The following CSMD1 variants were observed in gnomAD, a reference collection of about 807,000 sequenced individuals.
CSMD1 encodes the protein CUB and sushi domain-containing protein 1.
CSMD1 carries 213 observed loss-of-function variants against 417.5 expected under a neutral mutation model. The observed-to-expected ratio is 0.51, with a 90% CI of 0.46 to 0.57. The LOEUF (loss-of-function observed/expected upper bound fraction) is 0.57. CSMD1 is among the 20% of genes least tolerant of loss of function. The probability of loss-of-function intolerance (pLI) is 0.00; values close to 1 mark genes in which losing one functional copy is unlikely to be tolerated. For synonymous variants in CSMD1, 2,862 were observed against 1,736.8 expected, an observed-to-expected ratio of 1.65 and a Z score of -16.11; for missense variants, 6,923 against 4,529.7, an observed-to-expected ratio of 1.53 and a Z score of -15.17.
chr8:3,722,636 G>T (rs1240088524), intron 6 of CSMD1, among the ~76,000 whole-genome samples: 1 of 152,114 alleles, frequency 6.6e-6, no homozygotes, highest in Non-Finnish European at 1.5e-5. Context: ...AAAACTGTTT[G>T]GTCCAGGCAT....
chr8:3,157,941 G>T lies in CSMD1; in HGVS notation c.5870C>A (p.Pro1957Gln), dbSNP rs1819637674. 6.4e-7 allele frequency: 1 copy of T among 1,554,364 alleles called. No individual in the cohort carries two copies. Among genetic ancestry groups the T allele is most frequent in the South Asian group, 1.2e-5 (1 of 84,088 alleles). ...LQGRSHISCM[P>Q]GTVRRWNYPS... Reference sequence around the variant, plus strand: ...ATAGTTCCAACGGCGAACGGTCCCTGGCATACAGGAAATGTGGGAACGGCC... The same window carrying T: ...ATAGTTCCAACGGCGAACGGTCCCTTGCATACAGGAAATGTGGGAACGGCC... Residue 1957 changes from proline (P) to glutamine (Q), a missense_variant, in exon 39 of 70, where the codon CCA (proline) becomes CAA (glutamine). By Grantham distance (76) the Pro-to-Gln change is moderately conservative. Transcript: ENST00000635120.
intron 1 of CSMD1, among the ~76,000 whole-genome samples, chr8:4,639,259 T>TTC (rs1265994175): frequency 1.3e-5 from 2 of 151,020 alleles, no homozygotes; most frequent in Admixed American, 6.6e-5. Flanking sequence ...CAATTTTTTT[T>TTC]TTTTTTTTTT....
intron 5 of CSMD1, among the ~76,000 whole-genome samples, chr8:3,895,378 T>C (rs190194794): frequency 9.5e-4 from 144 of 152,312 alleles, no homozygotes; most frequent in African/African-American, 3.2e-3. Context: ...ATATTTTATA[T>C]ATTAAATGAA....
At chr8:3,821,715 G>C (rs567153200) in intron 5 of CSMD1, among the ~76,000 whole-genome samples, 2 of 152,296 alleles carry the variant, frequency 1.3e-5, no homozygotes, top group Non-Finnish European at 1.5e-5. Flanking sequence ...CCAGGAGCGG[G>C]AGGTTGCAGT....
chr8:4,602,066 G>T (rs970135122), intron 2 of CSMD1, among the ~76,000 whole-genome samples: 1 of 152,174 alleles, frequency 6.6e-6, no homozygotes, highest in Non-Finnish European at 1.5e-5. Flanking sequence ...AATAGATAAA[G>T]GATGTATTAG....
intron 3 of CSMD1, among the ~76,000 whole-genome samples, chr8:4,072,127 C>G (rs1018172937): frequency 6.6e-6 from 1 of 152,200 alleles, no homozygotes; most frequent in East Asian, 1.9e-4. Flanking sequence ...GGCTGTTCAA[C>G]TCCTTCGGAA....
chr8:4,390,442 G>A (rs572270645), intron 3 of CSMD1, among the ~76,000 whole-genome samples: 1 of 151,902 alleles, frequency 6.6e-6, no homozygotes, highest in East Asian at 1.9e-4. Flanking sequence ...TGACATATTG[G>A]ATGTGTTTTA....
At chr8:3,832,418 C>G (rs76868561) in intron 5 of CSMD1, among the ~76,000 whole-genome samples, 3 of 152,070 alleles carry the variant, frequency 2.0e-5, no homozygotes, top group Admixed American at 6.6e-5. Flanking sequence ...TACTATATTT[C>G]TCTGAATTGC....
chr8:3,399,789 A>C (rs1236992332), intron 15 of CSMD1, among the ~76,000 whole-genome samples: 1 of 152,188 alleles, frequency 6.6e-6, no homozygotes, highest in Non-Finnish European at 1.5e-5. Flanking sequence ...TCTCTGTGCT[A>C]ACTGAATTAT....
chr8:4,456,985 T>TTTTAAA lies in CSMD1; in HGVS notation c.303-36921_303-36920insTTTAAA, dbSNP rs71207092. Among the ~76,000 whole-genome samples, 533 of 138,788 alleles carry TTTTAAA rather than the reference T, an allele frequency of 3.8e-3. 6 individuals are homozygous for TTTTAAA. The highest frequency in any genetic ancestry group is 0.036 in the East Asian group (168 of 4,694). The allele number at this position is 138,788 out of a possible 152,430, so 91.1% of individuals were successfully genotyped here. ...GATTTTGATGAGTGTGGTTTTTTTTTAAAAAAAAAAAAAACAACAAGAAAA... is the reference window on the plus strand; with the variant it reads ...GATTTTGATGAGTGTGGTTTTTTTTTTTTAAAAAAAAAAAAAAAAACAACAAGAAAA... On this transcript the variant is annotated intron_variant, in intron 2 of 69. Transcript: ENST00000635120.
chr8:4,840,510 G>A (rs557467196), intron 1 of CSMD1, among the ~76,000 whole-genome samples: 5 of 152,282 alleles, frequency 3.3e-5, no homozygotes, highest in African/African-American at 9.6e-5. Context: ...ATTAAGTTAT[G>A]GTGGTGAGAC....
intron 26 of CSMD1, among the ~76,000 whole-genome samples, chr8:3,242,976 G>C (rs779047717): frequency 6.6e-6 from 1 of 152,046 alleles, no homozygotes; most frequent in Non-Finnish European, 1.5e-5. Flanking sequence ...GCAATGGGGA[G>C]GCTGCCTTCC....
chr8:4,920,259 T>A (rs1250437910), intron 1 of CSMD1, among the ~76,000 whole-genome samples: 1 of 152,182 alleles, frequency 6.6e-6, no homozygotes, highest in Non-Finnish European at 1.5e-5. Flanking sequence ...GAAAGTATTA[T>A]ACTTATGACT....
At chr8:4,698,325 G>A (rs1453694826) in intron 1 of CSMD1, among the ~76,000 whole-genome samples, 2 of 152,062 alleles carry the variant, frequency 1.3e-5, no homozygotes, top group Admixed American at 6.6e-5. Flanking sequence ...AACGGCTCAT[G>A]GAACTTAAAG....
chr8:3,884,321 T>C (rs1334463513), intron 5 of CSMD1, among the ~76,000 whole-genome samples: 2 of 152,198 alleles, frequency 1.3e-5, no homozygotes, highest in East Asian at 1.9e-4. Flanking sequence ...ATATGTGCAA[T>C]ATACAAACTT....
intron 5 of CSMD1, among the ~76,000 whole-genome samples, chr8:3,778,299 G>C (rs1182829867): frequency 6.6e-6 from 1 of 152,190 alleles, no homozygotes; most frequent in Non-Finnish European, 1.5e-5. Context: ...ATTTAAAAGG[G>C]TATCTTTCTC....
At chr8:3,667,334 G>A (rs1052927010) in intron 7 of CSMD1, among the ~76,000 whole-genome samples, 6 of 152,120 alleles carry the variant, frequency 3.9e-5, no homozygotes, top group African/African-American at 7.2e-5. Flanking sequence ...GGGGTGGCAG[G>A]TGTCCCCTTG....
chr8:3,877,970 T>C (rs1364122239), intron 5 of CSMD1, among the ~76,000 whole-genome samples: 2 of 152,148 alleles, frequency 1.3e-5, no homozygotes, highest in Non-Finnish European at 2.9e-5. Context: ...CAAAGTTTTT[T>C]TTTTTTTAAA....
intron 50 of CSMD1, among the ~76,000 whole-genome samples, chr8:3,044,292 T>G (rs1410313058): frequency 6.6e-6 from 1 of 152,204 alleles, no homozygotes; most frequent in Non-Finnish European, 1.5e-5. Flanking sequence ...TTATTTATTT[T>G]CTTGTTGCAT....
Sources: gnomAD v4.1 joint callset for allele counts (sites outside exome capture counted in the v4.1 genomes callset) on GRCh38, gnomAD v4.1.1 for gene constraint, MANE v1.5 for transcripts, NCBI Gene and HGNC (gene_info 2026-07-23, HGNC 2026-07-21) for gene names.